Variants in AKR1C1 observed in about 807,000 individuals in gnomAD.
AKR1C1 encodes aldo-keto reductase family 1 member C1, also known as 20 alpha-hydroxysteroid dehydrogenase.
A neutral mutation model predicts 40.6 loss-of-function variants in AKR1C1; 32 were observed. The ratio of observed to expected loss-of-function variants is 0.79; its 90% CI spans 0.60 to 1.06. The LOEUF (loss-of-function observed/expected upper bound fraction) is 1.06. AKR1C1 is among the 50% of genes least tolerant of loss of function. AKR1C1 has a pLI of 0.00. For missense variants in AKR1C1, 320 were observed against 363.5 expected (o/e 0.88, Z 0.97); for synonymous variants, 105 against 134.2 (o/e 0.78, Z 1.50).
At chr10:4,966,590 A>T (rs990777137) in intron 2 of AKR1C1, among the ~76,000 whole-genome samples, 2 of 152,198 alleles carry the variant, frequency 1.3e-5, no homozygotes, top group Non-Finnish European at 2.9e-5. Context: ...AATCTTGCCC[A>T]TTGGGCTGAA....
chr10:4,967,372 C>G, intron 3 of AKR1C1: 3 of 1,078,746 alleles, frequency 2.8e-6, no homozygotes, highest in Non-Finnish European at 3.4e-6. Flanking sequence ...CACAGAGTTT[C>G]ATGAAGCTGT....
rs1447294660 is a variant in AKR1C1, at chr10:4,979,244, A to G, written c.*1502A>G. The G allele has an allele frequency of 6.6e-6, 1 of 151,736 alleles. No homozygotes were observed. Among genetic ancestry groups the G allele is most frequent in the Non-Finnish European group, 1.5e-5 (1 of 68,036 alleles). 9.4% of individuals were successfully genotyped at this position (151,736 alleles called of 1,614,324 possible). ...TTTGGATTATTTTTCGTCTTCTATCATTCCGCTGATCTTAGATATTCTCTG... is the reference window on the plus strand; with the variant it reads ...TTTGGATTATTTTTCGTCTTCTATCGTTCCGCTGATCTTAGATATTCTCTG... On this transcript the variant is annotated 3_prime_UTR_variant, in exon 9 of 9. Coordinates refer to ENST00000380872, the MANE Select transcript of AKR1C1 (RefSeq NM_001353.6).
intron 8 of AKR1C1, among the ~76,000 whole-genome samples, chr10:4,977,250 C>T (rs1836539585): frequency 6.6e-6 from 1 of 152,190 alleles, no homozygotes; most frequent in Admixed American, 6.5e-5. Context: ...ATATGATAGG[C>T]AGGTAGTAAT....
At chr10:4,968,132 T>C (rs900147605) in intron 3 of AKR1C1, 177 bp from the exon 4 acceptor site, 3 of 1,090,412 alleles carry the variant, frequency 2.8e-6, no homozygotes, top group Non-Finnish European at 3.9e-6. Flanking sequence ...AGAGGGAGCC[T>C]GTCACCTGAA....
At position 4,980,157 on chromosome 10, in the gene AKR1C1, A is replaced by T. The variant is rs2131653923; in HGVS notation, c.*2415A>T. 6.6e-6 allele frequency: 1 copy of T among 152,320 alleles called. No individual in the cohort carries two copies. Among genetic ancestry groups the T allele is most frequent in the African/African-American group, 2.4e-5 (1 of 41,602 alleles). The allele number at this position is 152,320 out of a possible 1,614,324, so 9.4% of individuals were successfully genotyped here. A position where few individuals can be genotyped will look rare whatever the true frequency, so the allele number is the denominator to read the frequency against. On this transcript the variant is annotated 3_prime_UTR_variant, in exon 9 of 9. Coordinates refer to ENST00000380872, the MANE Select transcript of AKR1C1 (RefSeq NM_001353.6). ...AGTTAAATTCATATTGATTTAAAGT[A>T]AATTGTTATAACTTTATAAAGTTTT...
At chr10:4,967,709 C>G (rs1183210673) in intron 3 of AKR1C1, 1 of 576,150 alleles carries the variant, frequency 1.7e-6, no homozygotes, top group African/African-American at 2.1e-5. Flanking sequence ...TATCCTTTCT[C>G]CACCCTTATC....
chr10:4,968,145 C>T, intron 3 of AKR1C1, 164 bp from the exon 4 acceptor site: 2 of 1,099,666 alleles, frequency 1.8e-6, no homozygotes, highest in East Asian at 5.1e-5. Flanking sequence ...CACCTGAAGA[C>T]ATTCCTTATA....
rs1335880263 is a variant in AKR1C1 at position 4,981,299 on chromosome 10, G to T, written c.*3557G>T. ...GAATAGTAAATGAACATCATATGTT[G>T]TAATATAGTTAGCCAGGGAGGGGAA... On this transcript the variant is annotated 3_prime_UTR_variant, in exon 9 of 9. Coordinates refer to ENST00000380872, the MANE Select transcript of AKR1C1 (RefSeq NM_001353.6). 1 of 152,214 alleles carries T rather than the reference G, an allele frequency of 6.6e-6. No homozygotes were observed. Among genetic ancestry groups the T allele is most frequent in the Non-Finnish European group, 1.5e-5 (1 of 68,030 alleles). The allele number at this position is 152,214 out of a possible 1,614,324, so 9.4% of individuals were successfully genotyped here.
chr10:4,974,059 G>A (rs1420147969), intron 7 of AKR1C1, among the ~76,000 whole-genome samples: 2 of 151,394 alleles, frequency 1.3e-5, no homozygotes, highest in Non-Finnish European at 1.5e-5. Flanking sequence ...TACAGAGAAT[G>A]AGAAAGAAAG....
Position 4,981,620 on chromosome 10 carries a change from A to G in AKR1C1, c.*3878A>G, listed in dbSNP as rs1554771111. The G allele has an allele frequency of 6.6e-6, 1 of 152,264 alleles. No individual in the cohort carries two copies. The highest frequency in any genetic ancestry group is 2.4e-5 in the African/African-American group (1 of 41,466). 9.4% of individuals were successfully genotyped at this position (152,264 alleles called of 1,614,324 possible). ...CATACACTCTGAAGAAGTCTCAGGC[A>G]CAATCCTACTCCATGAAATAAGAAA... On this transcript the variant is annotated 3_prime_UTR_variant, in exon 9 of 9. Transcript: ENST00000380872.
Position 4,969,860 on chromosome 10 carries a change from G to A in AKR1C1, c.570+916G>A, listed in dbSNP as rs1436371404. On this transcript the variant is annotated intron_variant, in intron 5 of 8. Coordinates refer to ENST00000380872, the MANE Select transcript of AKR1C1 (RefSeq NM_001353.6). ...TAGAGTCAATCAGTGAAGATCTACA[G>A]TGGAAATACATATGTATAAAATTAG... 3.4e-6 allele frequency: 3 copies of A among 876,130 alleles called. No individual in the cohort carries two copies. In the African/African-American group the frequency reaches 5.1e-5, roughly 15 times the overall value. 54.3% of individuals were successfully genotyped at this position (876,130 alleles called of 1,614,324 possible). A position where few individuals can be genotyped will look rare whatever the true frequency, so the allele number is the denominator to read the frequency against.
intron 8 of AKR1C1, among the ~76,000 whole-genome samples, chr10:4,977,054 A>G (rs1836537233): frequency 6.6e-6 from 1 of 152,234 alleles, no homozygotes; most frequent in Non-Finnish European, 1.5e-5. Context: ...TGGTGTAATC[A>G]AAAAGGATAG....
chr10:4,969,758 C>T (rs775082060), intron 5 of AKR1C1: 2 of 1,607,592 alleles, frequency 1.2e-6, no homozygotes, highest in South Asian at 1.1e-5. Context: ...CCAAATGTTA[C>T]ACACATTTCA....
At chr10:4,969,624 C>G in intron 5 of AKR1C1, 3 of 1,592,302 alleles carry the variant, frequency 1.9e-6, no homozygotes, top group Non-Finnish European at 2.6e-6. Flanking sequence ...TGGAGTCTGT[C>G]ATGCAATCAG....
At chr10:4,969,784 C>T (rs1042420083) in intron 5 of AKR1C1, 40 of 1,576,462 alleles carry the variant, frequency 2.5e-5, no homozygotes, top group Non-Finnish European at 3.2e-5. Context: ...AAAGTTACTA[C>T]ACTTTTCCCA....
intron 8 of AKR1C1, among the ~76,000 whole-genome samples, chr10:4,977,262 TGTAAA>T (rs1461537028): frequency 1.8e-4 from 28 of 152,120 alleles, no homozygotes; most frequent in African/African-American, 6.5e-4. Flanking sequence ...GGTAGTAATA[TGTAAA>T]GTAATTAAGT....
intron 8 of AKR1C1, 29 bp from the exon 9 acceptor site, chr10:4,977,671 A>G: frequency 6.2e-7 from 1 of 1,612,558 alleles, no homozygotes; most frequent in Non-Finnish European, 8.5e-7. Flanking sequence ...ATTGCCATTC[A>G]GAGTGTGCAT....
chr10:4,977,834 C>T lies in AKR1C1; in HGVS notation c.*92C>T. 6.9e-7 allele frequency: 1 copy of T among 1,459,610 alleles called. No homozygotes were observed. The highest frequency in any genetic ancestry group is 9.4e-7 in the Non-Finnish European group (1 of 1,063,578). 90.4% of individuals were successfully genotyped at this position (1,459,610 alleles called of 1,614,324 possible). ...CTATGCTGGTGACTGGACACATCGCCTCTGGTTAAATCTCTCCTGCTTGGT... is the reference window on the plus strand; with the variant it reads ...CTATGCTGGTGACTGGACACATCGCTTCTGGTTAAATCTCTCCTGCTTGGT... On this transcript the variant is annotated 3_prime_UTR_variant, in exon 9 of 9. Coordinates refer to ENST00000380872, the MANE Select transcript of AKR1C1 (RefSeq NM_001353.6).
At chr10:4,976,795 A>C (rs1353142943) in intron 8 of AKR1C1, among the ~76,000 whole-genome samples, 1 of 152,226 alleles carries the variant, frequency 6.6e-6, no homozygotes, top group African/African-American at 2.4e-5. Context: ...TGTGTGAAAA[A>C]AACAAGCACA....
Sources: allele counts gnomAD v4.1 joint callset (sites outside exome capture counted in the v4.1 genomes callset), GRCh38; gene constraint gnomAD v4.1.1; transcripts MANE v1.5; gene names NCBI Gene and HGNC (gene_info 2026-07-23, HGNC 2026-07-21).